Variants in CRBN observed in about 807,000 individuals in gnomAD.
CRBN encodes cereblon, also known as protein cereblon.
In CRBN, 53 loss-of-function variants were observed where a neutral mutation model predicts 62.2. That is an observed-to-expected ratio of 0.85 (90% CI 0.68 to 1.07). The LOEUF is 1.07. CRBN is among the 50% of genes least tolerant of loss of function. CRBN has a pLI of 0.00. For missense variants in CRBN, 616 were observed against 531.1 expected, an observed-to-expected ratio of 1.16 and a Z score of -1.57; for synonymous variants, 208 against 176.1, an observed-to-expected ratio of 1.18 and a Z score of -1.43.
At chr3:3,168,493 T>C (rs893427995) in intron 4 of CRBN, among the ~76,000 whole-genome samples, 2 of 152,180 alleles carry the variant, frequency 1.3e-5, no homozygotes, top group African/African-American at 4.8e-5. Context: ...AGGAAGGTTG[T>C]ATCTATGAGC....
rs114707934 is a variant in CRBN, at chr3:3,164,968, C to T, written c.687+2666G>A. On this transcript the variant is annotated intron_variant, in intron 5 of 10. Transcript: ENST00000231948. ...GGTGCCATTAAGAATAATCATGATT[C>T]ATGGGAGGTGGTGAAAATATCAACC... Among the ~76,000 whole-genome samples the T allele has an allele frequency of 1.8e-3, 276 of 152,280 alleles. 2 individuals carry two copies. The highest frequency in any genetic ancestry group is 6.3e-3 in the African/African-American group (260 of 41,562).
In CRBN at chr3:3,175,020, GTTT is replaced by G. The variant is rs1356447843; in HGVS notation, c.174+140_174+142del. ...AGCTTCTTAAAAATTACAGTTAAAT[GTTT>G]ATCTACTGGCAAATAGCCCATGTCC... is the stretch of plus-strand genomic sequence containing the variant. On this transcript the variant is annotated intron_variant, in intron 2 of 10. Transcript: ENST00000231948. 44 of 229,738 alleles carry G rather than the reference GTTT, an allele frequency of 1.9e-4. 1 individual carries two copies. The highest frequency in any genetic ancestry group is 7.5e-4 in the Admixed American group (11 of 14,592). The allele number at this position is 229,738 out of a possible 1,614,324, so 14.2% of individuals were successfully genotyped here.
chr3:3,175,863 C>T (rs1446835945), intron 1 of CRBN, among the ~76,000 whole-genome samples: 1 of 152,078 alleles, frequency 6.6e-6, no homozygotes, highest in Non-Finnish European at 1.5e-5. Context: ...GGGAGGAAGA[C>T]CACAGAAGTG....
Position 3,150,269 on chromosome 3 carries a change from C to T in CRBN, c.*596G>A, listed in dbSNP as rs1163417321. 1.3e-5 allele frequency: 2 copies of T among 152,322 alleles called. No homozygotes were observed. Among genetic ancestry groups the T allele is most frequent in the Non-Finnish European group, 2.9e-5 (2 of 68,418 alleles). 9.4% of individuals were successfully genotyped at this position (152,322 alleles called of 1,614,324 possible). On this transcript the variant is annotated 3_prime_UTR_variant, in exon 11 of 11. Transcript: ENST00000231948. ...GCACATAAAGGAAATGACAACTATT[C>T]GTGGGCTCAAAAAACTGCATATTTT...
At chr3:3,160,815 A>T (rs528182038) in intron 5 of CRBN, among the ~76,000 whole-genome samples, 3 of 152,328 alleles carry the variant, frequency 2.0e-5, no homozygotes, top group East Asian at 3.9e-4. Context: ...ACACAAGCAG[A>T]CCAAAAGAGA....
rs1332841365 is a variant in CRBN at position 3,162,547 on chromosome 3, T to C, written c.687+5087A>G. Among the ~76,000 whole-genome samples, 3 of 152,188 alleles carry C rather than the reference T, an allele frequency of 2.0e-5. No homozygotes were observed. In the East Asian group the frequency reaches 5.8e-4, roughly 29 times the overall value. On this transcript the variant is annotated intron_variant, in intron 5 of 10. Coordinates refer to ENST00000231948, the MANE Select transcript of CRBN (RefSeq NM_016302.4). ...TGCTGAATCTTCTCTAATGCTTCCT[T>C]GTCAGAATGGTAGATAACACAGAAC... is the stretch of plus-strand genomic sequence containing the variant.
chr3:3,154,738 T>A lies in CRBN; in HGVS notation c.835+9A>T, dbSNP rs552024123. The A allele has an allele frequency of 2.0e-6, 3 of 1,529,132 alleles. No homozygotes were observed. The South Asian group carries it at 3.4e-5, about 17-fold the overall frequency. 94.7% of individuals were successfully genotyped at this position (1,529,132 alleles called of 1,614,324 possible). On this transcript the variant is annotated intron_variant, in intron 7 of 10. Transcript: ENST00000231948. Reference sequence around the variant, plus strand: ...CCCAGGCTCCAGGCAGGAAACTAACTTTTCATACCTATTGGATTTGAAGGA... The same window carrying A: ...CCCAGGCTCCAGGCAGGAAACTAACATTTCATACCTATTGGATTTGAAGGA...
In CRBN at chr3:3,179,654, G is replaced by T. The variant is rs797045482; in HGVS notation, c.34C>A (p.His12Asn). Residue 12 changes from histidine to asparagine, a missense_variant, in exon 1 of 11, where the codon CAC becomes AAC. Coordinates refer to ENST00000231948, the MANE Select transcript of CRBN (RefSeq NM_016302.4). ...AGCGGCAGGTGGTTGCCCATGTTGTGCGCAGCGTCCTGCTGATCTCCTTCG... is the reference window on the plus strand; with the variant it reads ...AGCGGCAGGTGGTTGCCCATGTTGTTCGCAGCGTCCTGCTGATCTCCTTCG... ...AGEGDQQDAA[H>N]NMGNHLPLLP... 2 of 1,613,098 alleles carry T rather than the reference G, an allele frequency of 1.2e-6. No homozygotes were observed. Among genetic ancestry groups the T allele is most frequent in the Non-Finnish European group, 1.7e-6 (2 of 1,179,658 alleles).
intron 5 of CRBN, 85 bp from the exon 6 acceptor site, chr3:3,156,366 T>G: frequency 7.8e-7 from 1 of 1,274,666 alleles, no homozygotes. Context: ...AAAAATGATT[T>G]TGGCCTAGGA....
intron 7 of CRBN, 40 bp from the exon 8 acceptor site, chr3:3,154,115 A>G: frequency 1.7e-6 from 2 of 1,181,846 alleles, no homozygotes; most frequent in Non-Finnish European, 2.5e-6. Context: ...CTTAGGAGTC[A>G]GATAAGCATC....
intron 6 of CRBN, chr3:3,155,882 C>A (rs934602983): frequency 3.7e-6 from 1 of 269,332 alleles, no homozygotes; most frequent in Non-Finnish European, 7.1e-6. Context: ...TCTCAGCTCA[C>A]GGCAGCCTTG....
In CRBN at chr3:3,154,022, G is replaced by A. The variant is rs1400791664; in HGVS notation, c.889C>T (p.Gln297Ter). 1 of 1,613,712 alleles carries A rather than the reference G, an allele frequency of 6.2e-7. No homozygotes were observed. The highest frequency in any genetic ancestry group is 2.2e-5 in the East Asian group (1 of 44,864). Residue 297 changes from glutamine to a stop codon, truncating the protein, a stop_gained, in exon 8 of 11, where the codon CAG becomes TAG. Coordinates refer to ENST00000231948, the MANE Select transcript of CRBN (RefSeq NM_016302.4). LOFTEE classifies it high-confidence loss of function. The part of the protein sequence containing the change: ...CLPIDDVLRI[Q>*]LLKIGSAIQR... The stretch of plus-strand genomic sequence containing the variant: ...ATAGCACTGCCAATTTTAAGGAGCT[G>A]AATTCTCAATACATCATCAATAGGA...
At chr3:3,174,011 T>C in intron 3 of CRBN, 48 bp downstream of exon 3, 1 of 1,487,900 alleles carries the variant, frequency 6.7e-7, no homozygotes, top group Non-Finnish European at 9.4e-7. Flanking sequence ...ACCACTGCAA[T>C]TACCCATGAG....
chr3:3,177,897 C>G (rs1707890829), intron 1 of CRBN, among the ~76,000 whole-genome samples: 1 of 152,048 alleles, frequency 6.6e-6, no homozygotes. Flanking sequence ...TTATGGAAAG[C>G]CCAGTGTTTC....
chr3:3,157,278 G>C (rs1241207762), intron 5 of CRBN, among the ~76,000 whole-genome samples: 1 of 152,188 alleles, frequency 6.6e-6, no homozygotes, highest in Non-Finnish European at 1.5e-5. Flanking sequence ...TGCTCTGCAA[G>C]TGATCAAAGA....
intron 9 of CRBN, among the ~76,000 whole-genome samples, 191 bp from the exon 10 acceptor site, chr3:3,152,778 TTGTCTAAA>T (rs753675233): frequency 2.2e-4 from 33 of 152,276 alleles, no homozygotes; most frequent in Middle Eastern, 6.8e-3. Flanking sequence ...CAGGCCTGTT[TTGTCTAAA>T]TGTCTAAATG....
At chr3:3,169,831 T>C (rs711616) in intron 4 of CRBN, among the ~76,000 whole-genome samples, 69,983 of 151,706 alleles carry the variant, frequency 0.46, 18,196 homozygotes, top group Middle Eastern at 0.64. Flanking sequence ...AATCCCCTCC[T>C]CCTCTCTACA....
chr3:3,167,059 G>C lies in CRBN; in HGVS notation c.687+575C>G, dbSNP rs1183484329. On this transcript the variant is annotated intron_variant, in intron 5 of 10. Coordinates refer to ENST00000231948, the MANE Select transcript of CRBN (RefSeq NM_016302.4). ...CACATCTCACAAACGAGTAGAAACA[G>C]GCTCCCTCAATTTTTTTTTCCTATG... Among the ~76,000 whole-genome samples the C allele has an allele frequency of 2.0e-5, 3 of 152,080 alleles. No homozygotes were observed. The East Asian group carries it at 5.8e-4, about 29-fold the overall frequency.
chr3:3,156,956 TGAATTGTAG>T, intron 5 of CRBN, among the ~76,000 whole-genome samples: 1 of 152,228 alleles, frequency 6.6e-6, no homozygotes, highest in South Asian at 2.1e-4. Context: ...GGGAGAAATG[TGAATTGTAG>T]AAATTGTAGA....
Sources: gnomAD v4.1 joint callset for allele counts (sites outside exome capture counted in the v4.1 genomes callset) on GRCh38, gnomAD v4.1.1 for gene constraint, MANE v1.5 for transcripts, NCBI Gene and HGNC (gene_info 2026-07-23, HGNC 2026-07-21) for gene names.